The following NAALAD2 variants were observed in gnomAD, a reference collection of about 807,000 sequenced individuals.
The protein encoded by NAALAD2 is N-acetylated-alpha-linked acidic dipeptidase 2.
Under a neutral mutation model 95.6 loss-of-function variants are expected in NAALAD2, and 89 were observed. That is an observed-to-expected ratio of 0.93 (90% CI 0.78 to 1.11). The LOEUF (loss-of-function observed/expected upper bound fraction) is 1.11, where lower values mean the gene tolerates loss of function less well. Ranked by LOEUF, NAALAD2 falls within the 50% of genes least tolerant of loss-of-function variation. The pLI is 0.00. For synonymous variants in NAALAD2, 264 were observed against 294.4 expected (o/e 0.90, Z 1.06); for missense variants, 894 against 872.4 (o/e 1.02, Z -0.31).
chr11:90,184,035 G>T (rs1054691252), intron 18 of NAALAD2, among the ~76,000 whole-genome samples: 1 of 152,026 alleles, frequency 6.6e-6, no homozygotes, highest in African/African-American at 2.4e-5. Context: ...AATTAGAAAG[G>T]TCCTAGCATT....
intron 8 of NAALAD2, among the ~76,000 whole-genome samples, chr11:90,161,708 A>G (rs1286419325): frequency 6.6e-6 from 1 of 152,148 alleles, no homozygotes; most frequent in African/African-American, 2.4e-5. Flanking sequence ...TTTTGTTTAG[A>G]CTAATATCAA....
At chr11:90,185,260 A>G (rs1423574002) in intron 18 of NAALAD2, among the ~76,000 whole-genome samples, 5 of 151,486 alleles carry the variant, frequency 3.3e-5, no homozygotes, top group Admixed American at 1.3e-4. Flanking sequence ...TATATTTAAC[A>G]TATTATAAAT....
At chr11:90,184,742 A>G (rs1480978833) in intron 18 of NAALAD2, among the ~76,000 whole-genome samples, 1 of 152,010 alleles carries the variant, frequency 6.6e-6, no homozygotes, top group Non-Finnish European at 1.5e-5. Context: ...GTGAAACTCA[A>G]TGTTGAGTTT....
At chr11:90,143,959 G>T (rs978088766) in intron 2 of NAALAD2, among the ~76,000 whole-genome samples, 1 of 152,090 alleles carries the variant, frequency 6.6e-6, no homozygotes, top group Admixed American at 6.5e-5. Flanking sequence ...ATTGTAATGA[G>T]GAATAAATCA....
Position 90,182,911 on chromosome 11 carries a change from C to T in NAALAD2, c.1941-5C>T, listed in dbSNP as rs779869918. The T allele has an allele frequency of 1.0e-5, 16 of 1,598,282 alleles. No homozygotes were observed. The highest frequency in any genetic ancestry group is 8.9e-5 in the East Asian group (4 of 44,748). ...GTTATAATTATGTATATGTTCTTCT[C>T]GAAGTCCCATTGCAGTGAGAATGAT... is the stretch of plus-strand genomic sequence containing the variant. On this transcript the variant is annotated splice_polypyrimidine_tract_variant and splice_region_variant and intron_variant, in intron 17 of 18. Transcript: ENST00000534061.
intron 5 of NAALAD2, 125 bp from the exon 6 acceptor site, chr11:90,152,173 A>C (rs1478221599): frequency 5.0e-6 from 4 of 804,388 alleles, no homozygotes; most frequent in Non-Finnish European, 7.3e-6. Context: ...AGAGAACTGA[A>C]TGTGTAATTG....
intron 11 of NAALAD2, among the ~76,000 whole-genome samples, chr11:90,167,952 A>C (rs1352526498): frequency 1.3e-5 from 2 of 152,182 alleles, no homozygotes; most frequent in Admixed American, 6.5e-5. Flanking sequence ...AGGCTGCCGG[A>C]GCAGCAGTGG....
chr11:90,190,941 C>A (rs1857305416), intron 18 of NAALAD2, among the ~76,000 whole-genome samples: 1 of 152,072 alleles, frequency 6.6e-6, no homozygotes, highest in Admixed American at 6.6e-5. Flanking sequence ...CGGAAAGTAG[C>A]TTGATCCCTT....
At chr11:90,181,744 C>G (rs773901989) in intron 17 of NAALAD2, 43 bp downstream of exon 17, 1 of 1,091,304 alleles carries the variant, frequency 9.2e-7, no homozygotes. Context: ...AAAAAAAAAG[C>G]AATCTGGTTA....
chr11:90,184,000 C>T (rs1270993931), intron 18 of NAALAD2, among the ~76,000 whole-genome samples: 3 of 152,040 alleles, frequency 2.0e-5, no homozygotes, highest in Admixed American at 1.3e-4. Context: ...TCTCAAGGTC[C>T]TTCTAAAACT....
intron 8 of NAALAD2, among the ~76,000 whole-genome samples, chr11:90,161,164 C>A (rs1053270470): frequency 6.6e-6 from 1 of 151,310 alleles, no homozygotes; most frequent in Non-Finnish European, 1.5e-5. Context: ...GTTTAAGCTG[C>A]CCATACCTGG....
chr11:90,185,498 C>A (rs1591030474), intron 18 of NAALAD2, among the ~76,000 whole-genome samples: 1 of 151,962 alleles, frequency 6.6e-6, no homozygotes, highest in East Asian at 1.9e-4. Context: ...CAGCGAGACC[C>A]TGTTTCTACA....
chr11:90,138,304 G>A (rs752612673), intron 2 of NAALAD2, among the ~76,000 whole-genome samples: 3 of 152,110 alleles, frequency 2.0e-5, no homozygotes, highest in Non-Finnish European at 4.4e-5. Flanking sequence ...GGAGGGGTTG[G>A]TCTTGCTGTC....
intron 2 of NAALAD2, among the ~76,000 whole-genome samples, chr11:90,143,304 A>C (rs1951669627): frequency 2.0e-5 from 3 of 152,066 alleles, no homozygotes; most frequent in South Asian, 4.1e-4. Context: ...TTCTTCACCC[A>C]TAAAATTCTT....
At chr11:90,153,251 T>C (rs559920299) in intron 6 of NAALAD2, among the ~76,000 whole-genome samples, 4 of 152,194 alleles carry the variant, frequency 2.6e-5, no homozygotes, top group Admixed American at 6.6e-5. Flanking sequence ...TAATGAACAG[T>C]TGTTGTACAA....
intron 15 of NAALAD2, among the ~76,000 whole-genome samples, chr11:90,177,028 T>C (rs1952811401): frequency 6.6e-6 from 1 of 152,126 alleles, no homozygotes; most frequent in African/African-American, 2.4e-5. Context: ...GATAATTAGA[T>C]AGAAGGAGAA....
At chr11:90,188,354 T>C (rs1488923526) in intron 18 of NAALAD2, among the ~76,000 whole-genome samples, 5 of 152,226 alleles carry the variant, frequency 3.3e-5, no homozygotes, top group Non-Finnish European at 7.3e-5. Flanking sequence ...CTTCTTAAAA[T>C]TCAGAAGTAT....
intron 2 of NAALAD2, among the ~76,000 whole-genome samples, chr11:90,141,441 G>C (rs1719966903): frequency 6.6e-6 from 1 of 152,096 alleles, no homozygotes; most frequent in South Asian, 2.1e-4. Context: ...TACATGCTTT[G>C]TTAGATTTGC....
At chr11:90,149,509 C>A (rs9665840) in intron 4 of NAALAD2, among the ~76,000 whole-genome samples, 68,412 of 151,672 alleles carry the variant, frequency 0.45, 16,437 homozygotes, top group African/African-American at 0.62. Flanking sequence ...ATCTCGGCTC[C>A]CTGCAACCTC....
Sources: allele counts gnomAD v4.1 joint callset (sites outside exome capture counted in the v4.1 genomes callset), GRCh38; gene constraint gnomAD v4.1.1; transcripts MANE v1.5; gene names NCBI Gene and HGNC (gene_info 2026-07-23, HGNC 2026-07-21).